Variants in STARD9 observed in about 807,000 individuals in gnomAD.
STARD9 encodes StAR related lipid transfer domain containing 9.
STARD9 carries 346 observed loss-of-function variants against 399.8 expected under a neutral mutation model. The observed-to-expected ratio is 0.87, with a 90% CI of 0.79 to 0.95. STARD9 has a LOEUF of 0.95. Among genes scored for constraint, STARD9 ranks in the 40% least tolerant of loss-of-function variants. The probability of loss-of-function intolerance (pLI) is 0.00; values close to 1 mark genes in which losing one functional copy is unlikely to be tolerated. For synonymous variants in STARD9, 2,203 were observed against 2,143.5 expected (o/e 1.03, Z -0.77); for missense variants, 5,832 against 5,667.5 (o/e 1.03, Z -0.93).
chr15:42,584,029 C>G (rs1330476359), intron 2 of STARD9, among the ~76,000 whole-genome samples: 1 of 151,952 alleles, frequency 6.6e-6, no homozygotes. Flanking sequence ...GCTAATTTTT[C>G]TCCATCCTGT....
At position 42,619,360 on chromosome 15, in the gene STARD9, G is replaced by A. The variant is rs928725742; in HGVS notation, c.235-15496G>A. ...AATGTAGTATGTAACCTTTTAAGAC[G>A]GGATTTTCAGCCTGGGCAACAAAGT... is the stretch of plus-strand genomic sequence containing the variant. On this transcript the variant is annotated intron_variant, in intron 3 of 32. Coordinates refer to ENST00000290607, the MANE Select transcript of STARD9 (RefSeq NM_020759.3). Among the ~76,000 whole-genome samples, 12 of 151,922 alleles carry A rather than the reference G, an allele frequency of 7.9e-5. No homozygotes were observed. In the South Asian group the frequency reaches 1.0e-3, roughly 13 times the overall value.
Position 42,688,505 on chromosome 15 carries a change from G to T in STARD9, c.6927G>T (p.Arg2309Ser). ...LSQLCRDTFF[R>S]QETVSPLLSR... Reference sequence around the variant, plus strand: ...AGCTTTGTAGGGACACGTTTTTCAGGCAGGAAACTGTCAGCCCATTACTAA... The same window carrying T: ...AGCTTTGTAGGGACACGTTTTTCAGTCAGGAAACTGTCAGCCCATTACTAA... Residue 2309 changes from arginine (R) to serine (S), a missense_variant, in exon 23 of 33, where the codon AGG becomes AGT. Arg to Ser is a moderately radical substitution (Grantham distance 110). Around this residue, in one of 2 missense-constraint regions of STARD9, gnomAD observed 5,828 missense variants for 5,651.1 expected, o/e 1.03. Transcript: ENST00000290607. The T allele has an allele frequency of 6.5e-7, 1 of 1,537,838 alleles. No individual in the cohort carries two copies. The highest frequency in any genetic ancestry group is 1.2e-5 in the South Asian group (1 of 84,060).
chr15:42,684,065 A>G, intron 22 of STARD9, 51 bp from the exon 23 acceptor site: 2 of 1,479,556 alleles, frequency 1.4e-6, no homozygotes, highest in Non-Finnish European at 9.0e-7. Flanking sequence ...TTCTGTCCAC[A>G]GGAAGTAGTA....
chr15:42,642,238 C>T (rs567024325), intron 7 of STARD9, among the ~76,000 whole-genome samples: 3 of 152,192 alleles, frequency 2.0e-5, no homozygotes, highest in East Asian at 1.9e-4. Flanking sequence ...AATATAAGCC[C>T]TTAAAGAACT....
At position 42,717,053 on chromosome 15, in the gene STARD9, G is replaced by T. The variant is rs1389970092; in HGVS notation, c.13494+5G>T. The stretch of plus-strand genomic sequence containing the variant: ...GTGGACACTTCTATGGCTGATGTGA[G>T]TAACTGCTCCCACCCATCCCTACCA... On this transcript the variant is annotated splice_donor_5th_base_variant and intron_variant, in intron 28 of 32. Coordinates refer to ENST00000290607, the MANE Select transcript of STARD9 (RefSeq NM_020759.3). The T allele has an allele frequency of 6.5e-7, 1 of 1,537,152 alleles. No homozygotes were observed. The highest frequency in any genetic ancestry group is 1.2e-5 in the South Asian group (1 of 84,056).
chr15:42,713,118 A>G (rs1220430611), intron 26 of STARD9, among the ~76,000 whole-genome samples: 3 of 152,184 alleles, frequency 2.0e-5, no homozygotes, highest in African/African-American at 7.2e-5. Flanking sequence ...AATTTCAACA[A>G]TGTTTCGAAG....
In STARD9 at chr15:42,690,590, C is replaced by T. The variant is rs984391935; in HGVS notation, c.9012C>T (p.Ala3004=). The change falls in exon 23 of 33, where the codon GCC becomes GCT. Residue 3004 remains alanine (A), a synonymous_variant. Coordinates refer to ENST00000290607, the MANE Select transcript of STARD9 (RefSeq NM_020759.3). ...CACCCTGTGTAGTACCTTCCAGGGCCTATGAAATGGATGAGACAGGAGAGA... is the reference window on the plus strand; with the variant it reads ...CACCCTGTGTAGTACCTTCCAGGGCTTATGAAATGGATGAGACAGGAGAGA... ...IHPPCVVPSR[A]YEMDETGEIS... is the part of the protein sequence containing the mutation. 1 of 1,537,222 alleles carries T rather than the reference C, an allele frequency of 6.5e-7. No individual in the cohort carries two copies. The highest frequency in any genetic ancestry group is 1.7e-4 in the Middle Eastern group (1 of 5,990).
intron 29 of STARD9, 65 bp downstream of exon 29, chr15:42,717,860 C>T (rs901237209): frequency 1.8e-5 from 27 of 1,511,288 alleles, no homozygotes; most frequent in African/African-American, 2.8e-5. Context: ...TGCTTGGCTT[C>T]TCTCCTCCTT....
intron 3 of STARD9, among the ~76,000 whole-genome samples, chr15:42,588,746 G>T (rs1216996077): frequency 7.6e-6 from 1 of 132,078 alleles, no homozygotes; most frequent in Non-Finnish European, 1.6e-5. Flanking sequence ...AAAAGAATTT[G>T]GATGTAACCC....
intron 6 of STARD9, 50 bp from the exon 7 acceptor site, chr15:42,638,650 C>T: frequency 3.0e-6 from 4 of 1,313,800 alleles, no homozygotes; most frequent in Non-Finnish European, 4.2e-6. Context: ...AATGTTGTTT[C>T]TACTTTTTTT....
chr15:42,589,428 C>T (rs1186417229), intron 3 of STARD9, among the ~76,000 whole-genome samples: 2 of 152,100 alleles, frequency 1.3e-5, no homozygotes, highest in African/African-American at 2.4e-5. Flanking sequence ...AATAGTCTAT[C>T]ATCCCAAAAA....
intron 7 of STARD9, among the ~76,000 whole-genome samples, chr15:42,639,472 A>G (rs751457103): frequency 5.8e-4 from 89 of 152,288 alleles, no homozygotes; most frequent in Non-Finnish European, 9.9e-4. Context: ...GCTTGGTACC[A>G]TCTGTCTTAT....
chr15:42,598,543 T>TG (rs2058561941), intron 3 of STARD9, among the ~76,000 whole-genome samples: 2 of 152,002 alleles, frequency 1.3e-5, no homozygotes, highest in African/African-American at 4.8e-5. Flanking sequence ...TTCAGCTTTA[T>TG]ATTTTTTCCC....
intron 20 of STARD9, among the ~76,000 whole-genome samples, chr15:42,676,311 A>C (rs894582461): frequency 2.0e-5 from 3 of 151,900 alleles, no homozygotes; most frequent in Non-Finnish European, 4.4e-5. Context: ...CTTTGTTCTG[A>C]GCTTACCTTC....
chr15:42,610,641 C>T (rs374309172), intron 3 of STARD9, among the ~76,000 whole-genome samples: 12 of 152,162 alleles, frequency 7.9e-5, no homozygotes, highest in South Asian at 4.1e-4. Context: ...CTCCGCCGCC[C>T]GGGTTCAAGC....
In STARD9 at chr15:42,669,291, T is replaced by C. The variant is rs2060161783; in HGVS notation, c.1451T>C (p.Leu484Ser). ...TCCAGCCTGCCACACTTGATGGCCT[T>C]GGAGGATGATGTGCTCAGCACAGGT... Reference protein sequence around the residue: ...IDSSLPHLMALEDDVLSTGVV... With the variant: ...IDSSLPHLMASEDDVLSTGVV... Residue 484 changes from leucine to serine, a missense_variant, in exon 16 of 33, where the codon TTG becomes TCG. By Grantham distance (145) the Leu-to-Ser change is moderately radical. Around this residue, in one of 2 missense-constraint regions of STARD9, gnomAD observed 5,828 missense variants for 5,651.1 expected, o/e 1.03. Coordinates refer to ENST00000290607, the MANE Select transcript of STARD9 (RefSeq NM_020759.3). The C allele has an allele frequency of 6.5e-7, 1 of 1,536,662 alleles. No individual in the cohort carries two copies. The highest frequency in any genetic ancestry group is 8.7e-7 in the Non-Finnish European group (1 of 1,146,506).
chr15:42,716,566 A>C (rs1231697741), intron 26 of STARD9, 111 bp from the exon 27 acceptor site: 7 of 692,674 alleles, frequency 1.0e-5, no homozygotes, highest in Admixed American at 2.2e-5. Context: ...ATCTGGGAAG[A>C]CCTTTGCAGT....
intron 26 of STARD9, among the ~76,000 whole-genome samples, chr15:42,706,160 C>T (rs1046938243): frequency 6.6e-6 from 1 of 152,156 alleles, no homozygotes; most frequent in Non-Finnish European, 1.5e-5. Context: ...GGAGAAACCA[C>T]GTCTTATGCT....
chr15:42,693,412 G>A lies in STARD9; in HGVS notation c.11834G>A (p.Arg3945Lys), dbSNP rs1479670081. Residue 3945 changes from arginine to lysine, a missense_variant, in exon 23 of 33, where the codon AGG becomes AAG. By Grantham distance (26) the Arg-to-Lys change is conservative (BLOSUM62 2). This residue lies in a region of STARD9 where 5,828 missense variants were observed against 5,651.1 expected (regional missense o/e 1.03). Transcript: ENST00000290607. Reference sequence around the variant, plus strand: ...AGCCCAGACCCTGTTGATGCCCCAAGGACTCCAATGGATAATTATTCCCAA... The same window carrying A: ...AGCCCAGACCCTGTTGATGCCCCAAAGACTCCAATGGATAATTATTCCCAA... ...DSSPDPVDAP[R>K]TPMDNYSQTT... 2 of 1,537,134 alleles carry A rather than the reference G, an allele frequency of 1.3e-6. No individual in the cohort carries two copies. The highest frequency in any genetic ancestry group is 1.7e-6 in the Non-Finnish European group (2 of 1,146,880).
Sources: allele counts gnomAD v4.1 joint callset (sites outside exome capture counted in the v4.1 genomes callset), GRCh38; gene constraint gnomAD v4.1.1; regional missense constraint gnomAD v4.1.1; transcripts MANE v1.5; gene names NCBI Gene and HGNC (gene_info 2026-07-23, HGNC 2026-07-21).